Variants in IL1RAP observed in about 807,000 individuals in gnomAD.
The protein encoded by IL1RAP is interleukin 1 receptor accessory protein, also known as interleukin-1 receptor accessory protein.
A neutral mutation model predicts 60.7 loss-of-function variants in IL1RAP; 35 were observed. The observed-to-expected ratio is 0.58, with a 90% CI of 0.44 to 0.76. IL1RAP has a LOEUF of 0.76. IL1RAP is among the 30% of genes least tolerant of loss of function. The pLI, the probability that IL1RAP is intolerant of heterozygous loss-of-function variation, is 0.00. For missense variants in IL1RAP, 572 were observed against 693.9 expected, an observed-to-expected ratio of 0.82 and a Z score of 1.97; for synonymous variants, 268 against 250.9, an observed-to-expected ratio of 1.07 and a Z score of -0.64.
rs1449664211 is a variant in IL1RAP at position 190,578,362 on chromosome 3, T to C, written c.64+14009T>C. The stretch of plus-strand genomic sequence containing the variant: ...GAGGCAATTGTGACAGGTATGATAG[T>C]TTAAGCCTTGGCTCTTTGTTTCTGT... On this transcript the variant is annotated intron_variant, in intron 3 of 11. Transcript: ENST00000447382. Among the ~76,000 whole-genome samples, 16 of 152,356 alleles carry C rather than the reference T, an allele frequency of 1.1e-4. No individual in the cohort carries two copies. In the South Asian group the frequency reaches 3.3e-3, roughly 32 times the overall value.
At position 190,651,296 on chromosome 3, in the gene IL1RAP, A is replaced by G. The variant is rs1018474585; in HGVS notation, c.*2591A>G. On this transcript the variant is annotated 3_prime_UTR_variant, in exon 12 of 12. Transcript: ENST00000447382. ...TACGATTTATTTAATTCTCTTCTGT[A>G]TTGTAACTTAGATGATTCCCAAGGA... 2 of 949,826 alleles carry G rather than the reference A, an allele frequency of 2.1e-6. No individual in the cohort carries two copies. Among genetic ancestry groups the G allele is most frequent in the Non-Finnish European group, 2.5e-6 (2 of 797,408 alleles). The allele number at this position is 949,826 out of a possible 1,614,324, so 58.8% of individuals were successfully genotyped here. A position where few individuals can be genotyped will look rare whatever the true frequency, so the allele number is the denominator to read the frequency against.
chr3:190,526,279 C>A (rs1167360075), intron 1 of IL1RAP, among the ~76,000 whole-genome samples: 1 of 152,156 alleles, frequency 6.6e-6, no homozygotes, highest in Non-Finnish European at 1.5e-5. Flanking sequence ...AAACTGAGAC[C>A]CGGAATCACA....
intron 2 of IL1RAP, among the ~76,000 whole-genome samples, chr3:190,559,807 G>A (rs954418410): frequency 2.0e-5 from 3 of 152,116 alleles, no homozygotes; most frequent in Non-Finnish European, 4.4e-5. Flanking sequence ...TCTGGTGAAT[G>A]TCCTATTGAA....
Position 190,576,347 on chromosome 3 carries a change from A to T in IL1RAP, c.64+11994A>T, listed in dbSNP as rs545102976. On this transcript the variant is annotated intron_variant, in intron 3 of 11. Transcript: ENST00000447382. ...TTGGGAAAACATATGGCAAAGGGTT[A>T]ATGTCATCAGAATGCAAGGAGCTAT... Among the ~76,000 whole-genome samples the T allele has an allele frequency of 1.1e-3, 172 of 151,364 alleles. 1 individual carries two copies. The highest frequency in any genetic ancestry group is 6.3e-3 in the South Asian group (30 of 4,770).
At chr3:190,594,743 C>T (rs868663379) in intron 3 of IL1RAP, among the ~76,000 whole-genome samples, 5 of 152,144 alleles carry the variant, frequency 3.3e-5, no homozygotes, top group Non-Finnish European at 4.4e-5. Flanking sequence ...GCCACAGATG[C>T]GGATGTCTGA....
Position 190,522,750 on chromosome 3 carries a change from G to A in IL1RAP, c.-89+8531G>A, listed in dbSNP as rs143040695. On this transcript the variant is annotated intron_variant, in intron 1 of 11. Transcript: ENST00000447382. Reference sequence around the variant, plus strand: ...CTTAAAATATCTCAGAATCTTTCATGTGTAGGAGGAATTAGACCAGTGATA... The same window carrying A: ...CTTAAAATATCTCAGAATCTTTCATATGTAGGAGGAATTAGACCAGTGATA... Among the ~76,000 whole-genome samples, 1,171 of 152,268 alleles carry A rather than the reference G, an allele frequency of 7.7e-3. 12 individuals carry two copies. The highest frequency in any genetic ancestry group is 0.027 in the African/African-American group (1,116 of 41,552).
In IL1RAP at chr3:190,648,894, A is replaced by G; in HGVS notation, c.*189A>G. 1.4e-6 allele frequency: 2 copies of G among 1,382,548 alleles called. No homozygotes were observed. Among genetic ancestry groups the G allele is most frequent in the Non-Finnish European group, 1.9e-6 (2 of 1,070,944 alleles). The allele number at this position is 1,382,548 out of a possible 1,614,324, so 85.6% of individuals were successfully genotyped here. On this transcript the variant is annotated 3_prime_UTR_variant, in exon 12 of 12. Coordinates refer to ENST00000447382, the MANE Select transcript of IL1RAP (RefSeq NM_002182.4). ...AGGCAACACTAAAGTTTAGAAAGAT[A>G]TCATCAACGTTCTGTCACCAGTCTC... is the stretch of plus-strand genomic sequence containing the variant.
chr3:190,617,268 A>G (rs1453039421), intron 5 of IL1RAP, among the ~76,000 whole-genome samples: 1 of 152,202 alleles, frequency 6.6e-6, no homozygotes, highest in Non-Finnish European at 1.5e-5. Context: ...GCCTTCACAC[A>G]GTTCTTTACA....
At chr3:190,609,214 T>C (rs761926078) in intron 5 of IL1RAP, 33 bp downstream of exon 5, 2 of 1,416,818 alleles carry the variant, frequency 1.4e-6, no homozygotes, top group East Asian at 2.3e-5. Flanking sequence ...TTATTCTCTC[T>C]AATGGCTTAT....
chr3:190,573,055 G>C (rs1240847107), intron 3 of IL1RAP, among the ~76,000 whole-genome samples: 1 of 43,304 alleles, frequency 2.3e-5, no homozygotes, highest in Non-Finnish European at 5.7e-5. Context: ...AGTAGAGACG[G>C]GGTTTCACCG....
At chr3:190,590,503 C>T (rs1208604980) in intron 3 of IL1RAP, among the ~76,000 whole-genome samples, 1 of 152,168 alleles carries the variant, frequency 6.6e-6, no homozygotes, top group Non-Finnish European at 1.5e-5. Flanking sequence ...AATCTGCCCG[C>T]CTCGGCCTCC....
intron 3 of IL1RAP, among the ~76,000 whole-genome samples, chr3:190,580,060 A>T (rs1204729545): frequency 6.6e-6 from 1 of 152,180 alleles, no homozygotes; most frequent in South Asian, 2.1e-4. Context: ...TTTTGTGTGG[A>T]CATATGTTTT....
chr3:190,631,406 C>T (rs1246477585), intron 9 of IL1RAP, among the ~76,000 whole-genome samples: 1 of 152,118 alleles, frequency 6.6e-6, no homozygotes, highest in Non-Finnish European at 1.5e-5. Flanking sequence ...AGGACAGTGT[C>T]AGGAATGTGA....
intron 7 of IL1RAP, among the ~76,000 whole-genome samples, chr3:190,625,430 C>T (rs1464872088): frequency 2.0e-5 from 3 of 151,702 alleles, no homozygotes; most frequent in Admixed American, 6.6e-5. Flanking sequence ...CATTCTGGAG[C>T]GAGGGGGCTA....
chr3:190,643,380 A>G (rs1733795824), intron 9 of IL1RAP, among the ~76,000 whole-genome samples: 1 of 152,196 alleles, frequency 6.6e-6, no homozygotes. Context: ...TGAAAAAGCA[A>G]TGGTAAATGA....
chr3:190,562,779 A>G (rs1726023144), intron 2 of IL1RAP, among the ~76,000 whole-genome samples: 1 of 151,968 alleles, frequency 6.6e-6, no homozygotes, highest in Non-Finnish European at 1.5e-5. Flanking sequence ...AAAAATTTGG[A>G]AAAGAAGGAG....
chr3:190,576,685 G>A (rs1385707611), intron 3 of IL1RAP, among the ~76,000 whole-genome samples: 1 of 152,072 alleles, frequency 6.6e-6, no homozygotes, highest in African/African-American at 2.4e-5. Flanking sequence ...TTTGTGGAGG[G>A]GACCTGGGCT....
intron 1 of IL1RAP, among the ~76,000 whole-genome samples, chr3:190,522,913 G>A (rs1274499847): frequency 6.6e-6 from 1 of 152,066 alleles, no homozygotes; most frequent in Admixed American, 6.6e-5. Context: ...TATTGTAGGG[G>A]TTTGAATTTG....
chr3:190,529,553 C>T (rs1015326371), intron 1 of IL1RAP, among the ~76,000 whole-genome samples: 49 of 152,068 alleles, frequency 3.2e-4, no homozygotes, highest in African/African-American at 8.9e-4. Context: ...GGTGTGGTGA[C>T]GCACGCCTGT....
Sources: allele counts gnomAD v4.1 joint callset (sites outside exome capture counted in the v4.1 genomes callset), GRCh38; gene constraint gnomAD v4.1.1; transcripts MANE v1.5; gene names NCBI Gene and HGNC (gene_info 2026-07-23, HGNC 2026-07-21).